The following ATP8A2 variants were observed in gnomAD, a reference collection of about 807,000 sequenced individuals.
ATP8A2 encodes phospholipid-transporting ATPase IB.
Under a neutral mutation model 165.6 loss-of-function variants are expected in ATP8A2, and 100 were observed. That is an observed-to-expected ratio of 0.60 (90% CI 0.51 to 0.71). The LOEUF is 0.71. Ranked by LOEUF, ATP8A2 falls within the 30% of genes least tolerant of loss-of-function variation. ATP8A2 has a pLI of 0.00. For synonymous variants in ATP8A2, 543 were observed against 548.8 expected (o/e 0.99, Z 0.15); for missense variants, 1,227 against 1,479.5 (o/e 0.83, Z 2.80).
chr13:25,414,045 C>A (rs1377041627), intron 1 of ATP8A2, among the ~76,000 whole-genome samples: 2 of 151,842 alleles, frequency 1.3e-5, no homozygotes, highest in African/African-American at 4.8e-5. Flanking sequence ...CATGGAGGAA[C>A]CTTGGTGATC....
chr13:25,834,983 CGT>C (rs61614959), intron 28 of ATP8A2, among the ~76,000 whole-genome samples: 3,681 of 149,610 alleles, frequency 0.025, 154 homozygotes, highest in African/African-American at 0.083. Context: ...TGATCCCTAA[CGT>C]GTGTGTGTGT....
At chr13:25,984,179 G>A (rs1043993825) in intron 35 of ATP8A2, among the ~76,000 whole-genome samples, 1 of 152,042 alleles carries the variant, frequency 6.6e-6, no homozygotes, top group African/African-American at 2.4e-5. Context: ...CCAGGCTGCA[G>A]TGAGCTGTGA....
At chr13:25,443,383 CT>C (rs2034984999) in intron 1 of ATP8A2, among the ~76,000 whole-genome samples, 1 of 152,058 alleles carries the variant, frequency 6.6e-6, no homozygotes, top group African/African-American at 2.4e-5. Context: ...TTTTTCCTCC[CT>C]TGAGTGCTTC....
chr13:25,639,091 G>C (rs1451090236), intron 24 of ATP8A2, among the ~76,000 whole-genome samples: 1 of 141,510 alleles, frequency 7.1e-6, no homozygotes, highest in Non-Finnish European at 1.5e-5. Flanking sequence ...TGCCCTACAA[G>C]AGCTCCTGAA....
chr13:25,916,903 C>T (rs1566266745), intron 33 of ATP8A2, among the ~76,000 whole-genome samples: 2 of 152,154 alleles, frequency 1.3e-5, no homozygotes, highest in East Asian at 3.8e-4. Flanking sequence ...TACCTTGAGA[C>T]TTGAACTCAA....
intron 25 of ATP8A2, among the ~76,000 whole-genome samples, chr13:25,757,696 T>A (rs1209918045): frequency 1.3e-5 from 2 of 152,146 alleles, no homozygotes; most frequent in Non-Finnish European, 2.9e-5. Context: ...CTTTACAGCA[T>A]GAGAAGTAAA....
chr13:25,479,163 T>TGA (rs1293380330), intron 2 of ATP8A2, among the ~76,000 whole-genome samples: 1 of 152,214 alleles, frequency 6.6e-6, no homozygotes, highest in East Asian at 1.9e-4. Flanking sequence ...TTCTTTAGCA[T>TGA]GAACCTTTGA....
intron 35 of ATP8A2, among the ~76,000 whole-genome samples, chr13:26,009,648 T>C (rs1747392042): frequency 6.6e-6 from 1 of 152,100 alleles, no homozygotes; most frequent in Admixed American, 6.5e-5. Flanking sequence ...ACTGAGGTGG[T>C]GGATGGCAGG....
chr13:25,775,038 G>A, intron 27 of ATP8A2, 79 bp downstream of exon 27: 2 of 808,992 alleles, frequency 2.5e-6, no homozygotes, highest in Non-Finnish European at 4.0e-6. Flanking sequence ...TCATTTCAAG[G>A]CAGGATTTTG....
chr13:25,568,586 G>C (rs944562266), intron 16 of ATP8A2, among the ~76,000 whole-genome samples: 5 of 152,104 alleles, frequency 3.3e-5, no homozygotes, highest in African/African-American at 7.2e-5. Flanking sequence ...AAACAAAATA[G>C]AGGTTACTGG....
intron 30 of ATP8A2, among the ~76,000 whole-genome samples, chr13:25,843,844 G>A (rs566886607): frequency 6.6e-6 from 1 of 152,266 alleles, no homozygotes; most frequent in South Asian, 2.1e-4. Flanking sequence ...AGCATAGAGA[G>A]GAGGTAGGGG....
At chr13:25,543,156 T>A (rs2038537642) in intron 9 of ATP8A2, 135 bp from the exon 10 acceptor site, 1 of 549,656 alleles carries the variant, frequency 1.8e-6, no homozygotes, top group African/African-American at 1.9e-5. Flanking sequence ...ACCTTTGTTG[T>A]CTGTGTTTCT....
intron 24 of ATP8A2, among the ~76,000 whole-genome samples, chr13:25,627,335 G>T (rs1161828062): frequency 6.6e-6 from 1 of 152,094 alleles, no homozygotes; most frequent in Non-Finnish European, 1.5e-5. Flanking sequence ...AAGGAAGCAG[G>T]ATTATTCTAG....
At chr13:25,472,748 C>T (rs1031692234) in intron 2 of ATP8A2, among the ~76,000 whole-genome samples, 1 of 152,184 alleles carries the variant, frequency 6.6e-6, no homozygotes, top group African/African-American at 2.4e-5. Flanking sequence ...ATAGATGAGG[C>T]TCAGGCCTGT....
At chr13:25,531,320 T>A (rs1224002301) in intron 4 of ATP8A2, among the ~76,000 whole-genome samples, 1 of 128,554 alleles carries the variant, frequency 7.8e-6, no homozygotes, top group Non-Finnish European at 1.6e-5. Context: ...ATATATGTTA[T>A]ATATGATATA....
At chr13:26,013,488 G>A (rs4770897) in intron 36 of ATP8A2, among the ~76,000 whole-genome samples, 6,918 of 152,152 alleles carry the variant, frequency 0.045, 192 homozygotes, top group Non-Finnish European at 0.056. Context: ...CAGCCTGACC[G>A]ACATGGTGAA....
At chr13:25,676,521 G>T (rs1248137765) in intron 24 of ATP8A2, among the ~76,000 whole-genome samples, 1 of 151,978 alleles carries the variant, frequency 6.6e-6, no homozygotes, top group Non-Finnish European at 1.5e-5. Context: ...CCTTGTCCTG[G>T]CCACACACTT....
At chr13:25,670,315 G>A (rs371784100) in intron 24 of ATP8A2, among the ~76,000 whole-genome samples, 1 of 152,158 alleles carries the variant, frequency 6.6e-6, no homozygotes, top group African/African-American at 2.4e-5. Flanking sequence ...GAAACATGCT[G>A]TTATTCAGGC....
chr13:25,801,864 T>C (rs1278838892), intron 27 of ATP8A2, among the ~76,000 whole-genome samples: 1 of 152,062 alleles, frequency 6.6e-6, no homozygotes. Flanking sequence ...AGCATACATG[T>C]CCTTCTTCAC....
Sources: allele counts gnomAD v4.1 joint callset (sites outside exome capture counted in the v4.1 genomes callset), GRCh38; gene constraint gnomAD v4.1.1; transcripts MANE v1.5; gene names NCBI Gene and HGNC (gene_info 2026-07-23, HGNC 2026-07-21).